KCNK2: variants seen among roughly 807,000 people sequenced by gnomAD.
The protein encoded by KCNK2 is potassium channel subfamily K member 2.
Under a neutral mutation model 40.5 loss-of-function variants are expected in KCNK2, and 21 were observed. That is an observed-to-expected ratio of 0.52 (90% CI 0.37 to 0.75). The LOEUF (loss-of-function observed/expected upper bound fraction) is 0.75. Among genes scored for constraint, KCNK2 ranks in the 30% least tolerant of loss-of-function variants. The pLI is 0.00. For synonymous variants in KCNK2, 191 were observed against 202.2 expected, an observed-to-expected ratio of 0.94 and a Z score of 0.47; for missense variants, 399 against 531.6, an observed-to-expected ratio of 0.75 and a Z score of 2.45.
intron 6 of KCNK2, among the ~76,000 whole-genome samples, chr1:215,222,251 A>G (rs1347628137): frequency 1.6e-5 from 2 of 126,168 alleles, no homozygotes; most frequent in African/African-American, 6.7e-5. Context: ...CTATATTATC[A>G]TCTTTACAAT....
chr1:215,164,149 A>G (rs1241217541), intron 3 of KCNK2, among the ~76,000 whole-genome samples: 3 of 152,056 alleles, frequency 2.0e-5, no homozygotes, highest in Non-Finnish European at 4.4e-5. Context: ...TAGTCTTGGG[A>G]CAGTGTCTGT....
At chr1:215,203,804 C>T (rs145560053) in intron 6 of KCNK2, among the ~76,000 whole-genome samples, 3,691 of 151,596 alleles carry the variant, frequency 0.024, 90 homozygotes, top group South Asian at 0.08. Context: ...TTTGGGAGGC[C>T]GAGATGGGCA....
chr1:215,082,854 G>T lies in KCNK2; in HGVS notation c.-532G>T, dbSNP rs914960293. Among the ~76,000 whole-genome samples, 1 of 151,926 alleles carries T rather than the reference G, an allele frequency of 6.6e-6. No individual in the cohort carries two copies. The highest frequency in any genetic ancestry group is 1.5e-5 in the Non-Finnish European group (1 of 67,978). On this transcript the variant is annotated 5_prime_UTR_variant, in exon 1 of 7. Transcript: ENST00000444842. ...CCCCGCGGGGCACGGAGGGCATTGC[G>T]GGGGGAGACACACAAAGACATGCGA...
chr1:215,131,841 T>G (rs1661694957), intron 3 of KCNK2, among the ~76,000 whole-genome samples: 1 of 152,122 alleles, frequency 6.6e-6, no homozygotes, highest in Non-Finnish European at 1.5e-5. Context: ...CTAAACAGTT[T>G]CTGTGATTTT....
intron 3 of KCNK2, among the ~76,000 whole-genome samples, chr1:215,132,675 C>T (rs192118948): frequency 6.6e-6 from 1 of 152,210 alleles, no homozygotes; most frequent in African/African-American, 2.4e-5. Flanking sequence ...TTAATGAAAA[C>T]AAAACCCATA....
intron 1 of KCNK2, among the ~76,000 whole-genome samples, chr1:215,057,988 G>A (rs1658227846): frequency 6.6e-6 from 1 of 152,142 alleles, no homozygotes; most frequent in South Asian, 2.1e-4. Context: ...TGATGGTGAG[G>A]ATGATGAAGG....
chr1:215,214,761 G>T (rs996570986), intron 6 of KCNK2, among the ~76,000 whole-genome samples: 5 of 152,138 alleles, frequency 3.3e-5, no homozygotes, highest in African/African-American at 1.2e-4. Flanking sequence ...GGGAGGTCGA[G>T]GTTGCAAGGA....
At chr1:215,158,709 C>T (rs1396630778) in intron 3 of KCNK2, among the ~76,000 whole-genome samples, 3 of 152,068 alleles carry the variant, frequency 2.0e-5, no homozygotes, top group African/African-American at 7.2e-5. Context: ...CATTTGTCGT[C>T]TTATGCAAAA....
intron 1 of KCNK2, among the ~76,000 whole-genome samples, chr1:215,031,667 A>G (rs955449067): frequency 1.3e-5 from 2 of 152,196 alleles, no homozygotes; most frequent in Admixed American, 6.5e-5. Context: ...ATTGAAAATA[A>G]AGGATATTCA....
chr1:215,124,714 TC>T lies in KCNK2; in HGVS notation c.441del (p.Phe148SerfsTer11). 6.2e-7 allele frequency: 1 copy of T among 1,611,576 alleles called. No individual in the cohort carries two copies. Among genetic ancestry groups the T allele is most frequent in the Non-Finnish European group, 8.5e-7 (1 of 1,177,796 alleles). On this transcript the variant is annotated frameshift_variant, in exon 3 of 7. Coordinates refer to ENST00000444842, the MANE Select transcript of KCNK2 (RefSeq NM_001017425.3). LOFTEE classifies it high-confidence loss of function. The stretch of plus-strand genomic sequence containing the variant: ...AATCAGTCACTGGGATTTGGGAAGT[TC>T]CTTCTTCTTTGCTGGCACTGTTATT... ...NQISHWDLGS[S>X]FFFAGTVITT...
At chr1:215,106,009 T>A (rs890986681) in intron 2 of KCNK2, among the ~76,000 whole-genome samples, 13 of 152,162 alleles carry the variant, frequency 8.5e-5, no homozygotes, top group Admixed American at 7.9e-4. Flanking sequence ...GGCACCTAGA[T>A]TGATTACATG....
At chr1:215,205,169 T>C (rs1185900708) in intron 6 of KCNK2, among the ~76,000 whole-genome samples, 1 of 152,150 alleles carries the variant, frequency 6.6e-6, no homozygotes, top group Non-Finnish European at 1.5e-5. Flanking sequence ...TTCCTCTTCT[T>C]TTTTGTGTTT....
At chr1:215,151,688 C>T (rs1662691046) in intron 3 of KCNK2, among the ~76,000 whole-genome samples, 2 of 151,816 alleles carry the variant, frequency 1.3e-5, no homozygotes, top group South Asian at 2.1e-4. Context: ...TTGGAACTTT[C>T]GTTTGTAATT....
chr1:215,128,115 T>C (rs1661513373), intron 3 of KCNK2, among the ~76,000 whole-genome samples: 1 of 152,188 alleles, frequency 6.6e-6, no homozygotes, highest in Non-Finnish European at 1.5e-5. Context: ...ACACTTTACA[T>C]AGATATTGGG....
rs532961684 is a variant in KCNK2 at position 215,216,728 on chromosome 1, A to G, written c.964-18100A>G. 7.5e-4 allele frequency among the ~76,000 whole-genome samples: 114 copies of G among 152,232 alleles called. 1 individual carries two copies. The highest frequency in any genetic ancestry group is 2.7e-3 in the African/African-American group (112 of 41,542). On this transcript the variant is annotated intron_variant, in intron 6 of 6. Coordinates refer to ENST00000444842, the MANE Select transcript of KCNK2 (RefSeq NM_001017425.3). Reference sequence around the variant, plus strand: ...ATCATTTGACCTGTAAATATTGAATAACATAAAAGTCATGAGCTATTTTAT... The same window carrying G: ...ATCATTTGACCTGTAAATATTGAATGACATAAAAGTCATGAGCTATTTTAT...
chr1:215,190,531 T>A (rs796090291), intron 5 of KCNK2, among the ~76,000 whole-genome samples: 3 of 152,282 alleles, frequency 2.0e-5, no homozygotes, highest in African/African-American at 7.2e-5. Context: ...ACCCCTTTCT[T>A]GGGTGGCCTG....
At chr1:215,092,616 C>T (rs1015728961) in intron 2 of KCNK2, among the ~76,000 whole-genome samples, 1 of 152,174 alleles carries the variant, frequency 6.6e-6, no homozygotes, top group African/African-American at 2.4e-5. Context: ...TCTCTTGAAT[C>T]AAGAACCACT....
chr1:215,115,256 A>G (rs568569775), intron 2 of KCNK2, among the ~76,000 whole-genome samples: 1 of 152,110 alleles, frequency 6.6e-6, no homozygotes, highest in South Asian at 2.1e-4. Flanking sequence ...TTAAACTTGT[A>G]TCCATTATGG....
chr1:215,029,490 G>A (rs1379125074), intron 1 of KCNK2, among the ~76,000 whole-genome samples: 4 of 144,452 alleles, frequency 2.8e-5, no homozygotes, highest in African/African-American at 1.0e-4. Context: ...TGTTACTTAA[G>A]AATTTATATA....
Sources: gnomAD v4.1 joint callset for allele counts (sites outside exome capture counted in the v4.1 genomes callset) on GRCh38, gnomAD v4.1.1 for gene constraint, MANE v1.5 for transcripts, NCBI Gene and HGNC (gene_info 2026-07-23, HGNC 2026-07-21) for gene names.